HDAC9: variants seen among roughly 807,000 people sequenced by gnomAD.
HDAC9 encodes histone deacetylase 9.
A neutral mutation model predicts 139.4 loss-of-function variants in HDAC9; 41 were observed. That is an observed-to-expected ratio of 0.29 (90% CI 0.23 to 0.38). The LOEUF (loss-of-function observed/expected upper bound fraction) is 0.38. HDAC9 is among the 10% of genes least tolerant of loss of function. The pLI is 1.00. For synonymous variants in HDAC9, 517 were observed against 476.2 expected, an observed-to-expected ratio of 1.09 and a Z score of -1.12; for missense variants, 1,147 against 1,297.0, an observed-to-expected ratio of 0.88 and a Z score of 1.78.
At chr7:18,158,378 A>G (rs1787380187) in intron 1 of HDAC9, among the ~76,000 whole-genome samples, 1 of 152,192 alleles carries the variant, frequency 6.6e-6, no homozygotes, top group Non-Finnish European at 1.5e-5. Flanking sequence ...ATGGCTTGAC[A>G]GGTCCTTTAG....
chr7:18,246,243 C>CAG (rs963401859), intron 2 of HDAC9, among the ~76,000 whole-genome samples: 3 of 150,654 alleles, frequency 2.0e-5, no homozygotes, highest in Admixed American at 6.6e-5. Context: ...AGACAGTGAA[C>CAG]AGAGACTTAG....
chr7:18,807,315 AT>A (rs1211938810), intron 17 of HDAC9, among the ~76,000 whole-genome samples: 2 of 152,014 alleles, frequency 1.3e-5, no homozygotes. Context: ...TTCTGATTTT[AT>A]TTGAGTCTGA....
chr7:18,717,704 A>T (rs1001312452), intron 12 of HDAC9, among the ~76,000 whole-genome samples: 1 of 151,716 alleles, frequency 6.6e-6, no homozygotes, highest in African/African-American at 2.4e-5. Context: ...GTGCTGGGGC[A>T]ATTTCTTAAA....
intron 17 of HDAC9, among the ~76,000 whole-genome samples, chr7:18,827,058 GC>G (rs1215731542): frequency 1.3e-5 from 2 of 151,584 alleles, no homozygotes; most frequent in African/African-American, 2.4e-5. Context: ...TTCAAGACAA[GC>G]CTGGGCAACA....
chr7:18,710,958 A>G (rs879256906), intron 12 of HDAC9, among the ~76,000 whole-genome samples: 4 of 152,246 alleles, frequency 2.6e-5, no homozygotes, highest in Admixed American at 6.5e-5. Context: ...TCAAATTTGC[A>G]TACAAATAGT....
intron 1 of HDAC9, among the ~76,000 whole-genome samples, chr7:18,368,356 T>A (rs1399128130): frequency 6.6e-6 from 1 of 151,984 alleles, no homozygotes; most frequent in African/African-American, 2.4e-5. Flanking sequence ...CATTTTTGTT[T>A]TCCATATGGT....
At chr7:18,345,242 C>G (rs1585277165) in intron 1 of HDAC9, among the ~76,000 whole-genome samples, 1 of 151,988 alleles carries the variant, frequency 6.6e-6, no homozygotes, top group East Asian at 1.9e-4. Flanking sequence ...AATGCTGTGT[C>G]CTTGTGTACA....
intron 22 of HDAC9, among the ~76,000 whole-genome samples, chr7:18,919,123 T>A (rs980448070): frequency 3.3e-5 from 5 of 152,058 alleles, no homozygotes; most frequent in African/African-American, 1.2e-4. Flanking sequence ...GCCAATGCAC[T>A]TCAAGGAAAA....
At position 18,620,903 on chromosome 7, in the gene HDAC9, A is replaced by G. The variant is rs1016119530; in HGVS notation, c.665-8447A>G. On this transcript the variant is annotated intron_variant, in intron 6 of 25. Transcript: ENST00000686413. ...ATCTGTGATAAACGTTAAGAATTAA[A>G]TTTCTATTTACATTGATAGAAGGAA... Among the ~76,000 whole-genome samples the G allele has an allele frequency of 1.4e-4, 22 of 152,186 alleles. 1 individual carries two copies. The highest frequency in any genetic ancestry group is 5.3e-4 in the African/African-American group (22 of 41,456).
intron 1 of HDAC9, among the ~76,000 whole-genome samples, chr7:18,303,409 G>GTGTT (rs1798691822): frequency 6.9e-6 from 1 of 145,286 alleles, no homozygotes; most frequent in East Asian, 2.0e-4. Flanking sequence ...GTGTGTGTGT[G>GTGTT]TGTGTGTGTG....
At position 18,762,136 on chromosome 7, in the gene HDAC9, G is replaced by C. The variant is rs767559113; in HGVS notation, c.2044-21G>C. The C allele has an allele frequency of 3.7e-6, 6 of 1,613,020 alleles. No homozygotes were observed. The South Asian group carries it at 6.6e-5, about 18-fold the overall frequency. ...AAATGTTGTCAGTGGTGTACTGTTG[G>C]CTTCTGCTATTTTCTTGCAGCGAAT... is the stretch of plus-strand genomic sequence containing the variant. On this transcript the variant is annotated intron_variant, in intron 14 of 25. Coordinates refer to ENST00000686413, the MANE Select transcript of HDAC9 (RefSeq NM_178425.4).
At chr7:18,209,637 T>C (rs1791789995) in intron 2 of HDAC9, among the ~76,000 whole-genome samples, 1 of 152,194 alleles carries the variant, frequency 6.6e-6, no homozygotes, top group South Asian at 2.1e-4. Context: ...TTTTCCTTTA[T>C]TGAAATCAGA....
chr7:18,391,578 A>T (rs1201429802), intron 1 of HDAC9, among the ~76,000 whole-genome samples: 1 of 152,188 alleles, frequency 6.6e-6, no homozygotes, highest in Non-Finnish European at 1.5e-5. Flanking sequence ...TTCACATAAC[A>T]TATTAACATT....
chr7:18,383,097 G>A (rs994344137), intron 1 of HDAC9, among the ~76,000 whole-genome samples: 1 of 152,130 alleles, frequency 6.6e-6, no homozygotes, highest in African/African-American at 2.4e-5. Flanking sequence ...AACTTGTAAA[G>A]AGAAAATGAC....
At chr7:18,472,820 C>T (rs1179989317) in intron 1 of HDAC9, among the ~76,000 whole-genome samples, 2 of 152,134 alleles carry the variant, frequency 1.3e-5, no homozygotes, top group African/African-American at 2.4e-5. Context: ...ACTTGTTTAT[C>T]GCTTTGTTTT....
chr7:18,648,377 TTCTTA>T (rs1788086544), intron 10 of HDAC9, 84 bp from the exon 11 acceptor site: 1 of 1,127,844 alleles, frequency 8.9e-7, no homozygotes, highest in Non-Finnish European at 1.3e-6. Flanking sequence ...TTTCTTTGGC[TTCTTA>T]TCTTTTCTTA....
At chr7:18,845,693 A>G (rs1796859470) in intron 21 of HDAC9, among the ~76,000 whole-genome samples, 1 of 152,170 alleles carries the variant, frequency 6.6e-6, no homozygotes, top group East Asian at 1.9e-4. Flanking sequence ...GATACAGCTA[A>G]TGAACCAGCT....
At chr7:18,483,212 A>T (rs1190031804) in intron 1 of HDAC9, among the ~76,000 whole-genome samples, 1 of 152,210 alleles carries the variant, frequency 6.6e-6, no homozygotes, top group Admixed American at 6.5e-5. Context: ...AAGAAAACAA[A>T]GGCTTCAATG....
chr7:18,191,870 A>C (rs1790370389), intron 2 of HDAC9, among the ~76,000 whole-genome samples: 1 of 152,220 alleles, frequency 6.6e-6, no homozygotes, highest in African/African-American at 2.4e-5. Context: ...AGAGTAAAGC[A>C]TTTTGAAATC....
Sources: gnomAD v4.1 joint callset for allele counts (sites outside exome capture counted in the v4.1 genomes callset) on GRCh38, gnomAD v4.1.1 for gene constraint, MANE v1.5 for transcripts, NCBI Gene and HGNC (gene_info 2026-07-23, HGNC 2026-07-21) for gene names.